Variants in ZMYM2 observed in about 807,000 individuals in gnomAD.
ZMYM2 encodes the protein zinc finger MYM-type containing 2.
ZMYM2 carries 56 observed loss-of-function variants against 162.8 expected under a neutral mutation model. The observed-to-expected ratio is 0.34, with a 90% CI of 0.28 to 0.43. The LOEUF is 0.43. Among genes scored for constraint, ZMYM2 ranks in the 20% least tolerant of loss-of-function variants. The probability of loss-of-function intolerance (pLI) is 1.00; values close to 1 mark genes in which losing one functional copy is unlikely to be tolerated. For missense variants in ZMYM2, 1,275 were observed against 1,621.8 expected (o/e 0.79, Z 3.67); for synonymous variants, 510 against 541.6 (o/e 0.94, Z 0.81).
intron 2 of ZMYM2, among the ~76,000 whole-genome samples, chr13:19,988,121 G>GA (rs1474746521): frequency 6.6e-6 from 1 of 152,000 alleles, no homozygotes; most frequent in Non-Finnish European, 1.5e-5. Flanking sequence ...TTTTATTATA[G>GA]AAAAAAATTC....
intron 7 of ZMYM2, among the ~76,000 whole-genome samples, chr13:20,024,000 T>C (rs1594422465): frequency 6.6e-6 from 1 of 151,930 alleles, no homozygotes; most frequent in East Asian, 1.9e-4. Flanking sequence ...AGTGGCACGA[T>C]CTTGGTTCAC....
At chr13:20,031,458 T>C (rs770784688) in intron 10 of ZMYM2, 23 bp downstream of exon 10, 76 of 1,431,102 alleles carry the variant, frequency 5.3e-5, no homozygotes, top group Admixed American at 1.3e-4. Flanking sequence ...TTGTAATGTG[T>C]GTTATCTAAT....
chr13:20,024,519 A>T (rs1311465614), intron 7 of ZMYM2: 1 of 221,766 alleles, frequency 4.5e-6, no homozygotes, highest in East Asian at 6.6e-5. Flanking sequence ...GTGGGAGCTG[A>T]TTTTTCTGTC....
the ZMYM2 span, among the ~76,000 whole-genome samples, chr13:19,942,540 A>G: frequency 1.1e-3 from 140 of 132,120 alleles, 3 homozygotes; most frequent in Admixed American, 9.7e-3. Context: ...CCGTCTCTAC[A>G]AAAAAAAAAA....
rs1957623357 is a variant in ZMYM2, at chr13:20,077,906, G to T, written c.3454-4110G>T. On this transcript the variant is annotated intron_variant, in intron 21 of 24. Transcript: ENST00000610343. ...CACCCAGGCTGGAGTGCAGTGGTGT[G>T]ATCTGGGTTCACGCCATTCTCCTGC... Among the ~76,000 whole-genome samples the T allele has an allele frequency of 4.0e-5, 6 of 149,226 alleles. No homozygotes were observed. The South Asian group carries it at 1.3e-3, about 32-fold the overall frequency.
chr13:19,947,411 G>A, the ZMYM2 span, among the ~76,000 whole-genome samples: 1 of 150,604 alleles, frequency 6.6e-6, no homozygotes, highest in Non-Finnish European at 1.5e-5. Context: ...ATGTAGGCAC[G>A]TATTACTCCA....
At chr13:20,046,012 TG>T (rs1479865725) in intron 12 of ZMYM2, among the ~76,000 whole-genome samples, 2 of 146,510 alleles carry the variant, frequency 1.4e-5, no homozygotes, top group Non-Finnish European at 3.0e-5. Context: ...GAGTATGAGG[TG>T]GGAGAATCAC....
chr13:20,006,268 C>T (rs1031830784), intron 5 of ZMYM2, 106 bp from the exon 6 acceptor site: 1 of 1,198,966 alleles, frequency 8.3e-7, no homozygotes, highest in Admixed American at 3.0e-5. Context: ...TCCTTTTCTC[C>T]AAACAAGCCT....
At chr13:19,971,262 ATTTTTTT>A (rs67460005) in intron 2 of ZMYM2, among the ~76,000 whole-genome samples, 1 of 78,332 alleles carries the variant, frequency 1.3e-5, no homozygotes, top group South Asian at 4.2e-4. Flanking sequence ...ATATATATAT[ATTTTTTT>A]TTTTTTTTTT....
chr13:19,922,532 T>C, the ZMYM2 span, among the ~76,000 whole-genome samples: 1 of 152,018 alleles, frequency 6.6e-6, no homozygotes, highest in Admixed American at 6.6e-5. Flanking sequence ...CACTTTTGAA[T>C]TTTTTTTCTC....
At chr13:20,046,709 ATATT>A (rs1445179857) in intron 12 of ZMYM2, among the ~76,000 whole-genome samples, 6 of 151,148 alleles carry the variant, frequency 4.0e-5, no homozygotes, top group Non-Finnish European at 7.4e-5. Context: ...GTGTATATAT[ATATT>A]AAAGAATAGG....
chr13:19,902,777 C>G, the ZMYM2 span, among the ~76,000 whole-genome samples: 1 of 152,128 alleles, frequency 6.6e-6, no homozygotes, highest in East Asian at 1.9e-4. Flanking sequence ...CTTTGGGAGG[C>G]TGAGGTGTGA....
At chr13:19,988,361 T>C (rs1189785851) in intron 2 of ZMYM2, among the ~76,000 whole-genome samples, 1 of 152,220 alleles carries the variant, frequency 6.6e-6, no homozygotes, top group Non-Finnish European at 1.5e-5. Flanking sequence ...ATGCTGTTAC[T>C]TAAAAATAAC....
intron 6 of ZMYM2, among the ~76,000 whole-genome samples, chr13:20,015,443 T>C (rs896155656): frequency 5.9e-5 from 9 of 152,232 alleles, no homozygotes; most frequent in Non-Finnish European, 1.3e-4. Context: ...TTGGCAAGAA[T>C]ACTCAATATA....
the ZMYM2 span, among the ~76,000 whole-genome samples, chr13:19,868,700 C>A: frequency 6.6e-6 from 1 of 152,264 alleles, no homozygotes; most frequent in South Asian, 2.1e-4. Flanking sequence ...ATTTGCATTT[C>A]TTTTGTCTCA....
chr13:20,008,265 G>A (rs1265392244), intron 6 of ZMYM2, among the ~76,000 whole-genome samples: 3 of 152,096 alleles, frequency 2.0e-5, no homozygotes, highest in African/African-American at 4.8e-5. Context: ...TGAGTGGCTG[G>A]GATTACAGGC....
the ZMYM2 span, among the ~76,000 whole-genome samples, chr13:19,891,316 C>G: frequency 2.0e-5 from 3 of 151,824 alleles, no homozygotes; most frequent in Non-Finnish European, 4.4e-5. Flanking sequence ...GAAGAATGGC[C>G]TCACCAGATA....
the ZMYM2 span, among the ~76,000 whole-genome samples, chr13:19,893,298 A>G: frequency 5.9e-4 from 90 of 151,576 alleles, 1 homozygote; most frequent in South Asian, 0.018. Flanking sequence ...AGAAACATAA[A>G]CTAATTAAAA....
At chr13:20,051,367 C>A in intron 12 of ZMYM2, 66 bp from the exon 13 acceptor site, 1 of 1,539,794 alleles carries the variant, frequency 6.5e-7, no homozygotes, top group Non-Finnish European at 8.8e-7. Flanking sequence ...GCAATAATCA[C>A]TGATAAACTT....
Sources: allele counts gnomAD v4.1 joint callset (sites outside exome capture counted in the v4.1 genomes callset), GRCh38; gene constraint gnomAD v4.1.1; transcripts MANE v1.5; gene names NCBI Gene and HGNC (gene_info 2026-07-23, HGNC 2026-07-21).